Variants in FGF13 observed in about 807,000 individuals in gnomAD.
The protein encoded by FGF13 is fibroblast growth factor 13, also known as fibroblast growth factor homologous factor 2.
In FGF13, 2 loss-of-function variants were observed where a neutral mutation model predicts 19.5. The ratio of observed to expected loss-of-function variants is 0.10; its 90% CI spans 0.04 to 0.32. The LOEUF (loss-of-function observed/expected upper bound fraction) is 0.32. Among genes scored for constraint, FGF13 ranks in the 10% least tolerant of loss-of-function variants. The probability of loss-of-function intolerance (pLI) is 1.00; values close to 1 mark genes in which losing one functional copy is unlikely to be tolerated. For missense variants in FGF13, 113 were observed against 192.7 expected (o/e 0.59, Z 2.45); for synonymous variants, 72 against 76.9 (o/e 0.94, Z 0.33).
rs1310576332 is a variant in FGF13, at chrX:138,619,988, A to C, written c.*12862T>G. ...TAGGTATATACCCAAAGGAATATAA[A>C]TCATTCTATTACAAAGATACATGCA... On this transcript the variant is annotated 3_prime_UTR_variant, in exon 5 of 5. Coordinates refer to ENST00000315930, the MANE Select transcript of FGF13 (RefSeq NM_004114.5). 8.9e-6 allele frequency: 1 copy of C among 112,064 alleles called. No homozygotes were observed. Among genetic ancestry groups the C allele is most frequent in the African/African-American group, 3.2e-5 (1 of 30,810 alleles). The allele number at this position is 112,064 out of a possible 1,213,427, so 9.2% of individuals were successfully genotyped here. A position where few individuals can be genotyped will look rare whatever the true frequency, so the allele number is the denominator to read the frequency against.
intron 3 of FGF13, among the ~76,000 whole-genome samples, chrX:138,687,712 C>A (rs1158955218): frequency 8.9e-6 from 1 of 111,904 alleles, no homozygotes; most frequent in Non-Finnish European, 1.9e-5. Flanking sequence ...ATGTTTACTG[C>A]AGCACTATTC....
At chrX:139,086,579 T>A (rs1479946611) in intron 1 of FGF13, among the ~76,000 whole-genome samples, 2 of 112,054 alleles carry the variant, frequency 1.8e-5, no homozygotes, top group Admixed American at 1.9e-4. Context: ...AAATAATAAA[T>A]GCTTGAGATG....
intron 3 of FGF13, among the ~76,000 whole-genome samples, chrX:138,785,016 C>T (rs779053334): frequency 3.4e-4 from 38 of 112,215 alleles, no homozygotes; most frequent in African/African-American, 7.8e-4. Context: ...TACTACACTT[C>T]CCTTTAATGT....
intron 1 of FGF13, among the ~76,000 whole-genome samples, chrX:139,084,379 T>C (rs949591311): frequency 8.9e-6 from 1 of 111,919 alleles, no homozygotes; most frequent in African/African-American, 3.3e-5. Flanking sequence ...TTTGGGCACC[T>C]TGGACAAGTC....
At chrX:138,818,544 A>T (rs1183948727) in intron 3 of FGF13, among the ~76,000 whole-genome samples, 1 of 97,223 alleles carries the variant, frequency 1.0e-5, no homozygotes, top group African/African-American at 3.8e-5. Flanking sequence ...ACACACACAC[A>T]CTCATATGCT....
rs1556361881 is a variant in FGF13, at chrX:139,100,055, C to CACACACACAT, written c.-113+103360_-113+103361insATGTGTGTGT. Reference sequence around the variant, plus strand: ...TGGGGAAAGCAAACACACACACACACACACACACACACACACACACACACA... The same window carrying CACACACACAT: ...TGGGGAAAGCAAACACACACACACACACACACACATACACACACACACACACACACACACA... On this transcript the variant is annotated intron_variant, in intron 1 of 2. Coordinates refer to the FGF13 transcript ENST00000421460. 3.1e-3 allele frequency among the ~76,000 whole-genome samples: 321 copies of CACACACACAT among 103,725 alleles called. 2 individuals are homozygous for CACACACACAT. Among genetic ancestry groups the CACACACACAT allele is most frequent in the African/African-American group, 0.011 (304 of 26,785 alleles). 90.1% of individuals were successfully genotyped at this position (103,725 alleles called of 115,157 possible).
intron 3 of FGF13, among the ~76,000 whole-genome samples, chrX:138,793,592 G>A (rs1345147985): frequency 2.7e-5 from 3 of 111,865 alleles, no homozygotes; most frequent in Non-Finnish European, 5.6e-5. Context: ...TTCTAACAGA[G>A]GAGGAATTAA....
intron 3 of FGF13, among the ~76,000 whole-genome samples, chrX:138,805,523 G>A (rs1453744641): frequency 1.8e-5 from 2 of 111,325 alleles, no homozygotes; most frequent in Admixed American, 1.9e-4. Flanking sequence ...AGTCAAGGGT[G>A]AGAGTGGGGG....
intron 3 of FGF13, among the ~76,000 whole-genome samples, chrX:138,691,720 C>T (rs1021327993): frequency 1.8e-5 from 2 of 111,743 alleles, no homozygotes; most frequent in African/African-American, 3.3e-5. Context: ...TTCCTATACA[C>T]ATCTGAGGCC....
At position 139,018,130 on chromosome X, in the gene FGF13, G is replaced by A. The variant is rs192534133; in HGVS notation, c.-112-153480C>T. Among the ~76,000 whole-genome samples the A allele has an allele frequency of 4.1e-3, 454 of 111,667 alleles. 3 individuals are homozygous for A. The highest frequency in any genetic ancestry group is 0.014 in the African/African-American group (434 of 30,747). On this transcript the variant is annotated intron_variant, in intron 1 of 2. Coordinates refer to the FGF13 transcript ENST00000421460. ...AGGTGAAAGGCAAGAATGGTTTGTT[G>A]TGAAGACTGATGCATGGAACCTCTT...
chrX:138,833,765 G>T (rs773484790), intron 3 of FGF13, among the ~76,000 whole-genome samples: 1 of 111,736 alleles, frequency 8.9e-6, no homozygotes, highest in South Asian at 3.8e-4. Context: ...TTTAGCTTTT[G>T]CCCATTCAGT....
intron 1 of FGF13, among the ~76,000 whole-genome samples, chrX:138,879,991 AC>A (rs1300966887): frequency 8.9e-6 from 1 of 112,360 alleles, no homozygotes; most frequent in Non-Finnish European, 1.9e-5. Flanking sequence ...CAAGAAAAAA[AC>A]AAACAACCCC....
intron 3 of FGF13, among the ~76,000 whole-genome samples, chrX:138,642,054 C>T (rs565171693): frequency 1.8e-5 from 2 of 110,493 alleles, no homozygotes; most frequent in African/African-American, 6.6e-5. Flanking sequence ...GAATAGAGGA[C>T]TATTTTAAAG....
intron 1 of FGF13, among the ~76,000 whole-genome samples, chrX:138,878,778 G>C (rs1003832328): frequency 5.0e-4 from 56 of 111,551 alleles, no homozygotes; most frequent in Non-Finnish European, 8.1e-4. Context: ...CAGTGTAAAA[G>C]TGTTCCTATT....
intron 3 of FGF13, among the ~76,000 whole-genome samples, chrX:138,811,500 C>T (rs1040098352): frequency 9.1e-6 from 1 of 110,097 alleles, no homozygotes; most frequent in East Asian, 2.9e-4. Context: ...ATGTAAATGA[C>T]GAGTTAATGG....
chrX:139,118,870 T>TA (rs1019698802), intron 1 of FGF13, among the ~76,000 whole-genome samples: 1 of 109,580 alleles, frequency 9.1e-6, no homozygotes, highest in Non-Finnish European at 1.9e-5. Context: ...AAAATAAAAA[T>TA]AAAAAAATAG....
intron 1 of FGF13, among the ~76,000 whole-genome samples, chrX:138,865,475 T>TCTCCTCTCTCTCTCTC: frequency 1.3e-5 from 1 of 75,888 alleles, no homozygotes; most frequent in Non-Finnish European, 2.4e-5. Context: ...CTCTCTCTCC[T>TCTCCTCTCTCTCTCTC]CTCTCTCTCT....
intron 1 of FGF13, among the ~76,000 whole-genome samples, chrX:138,894,589 C>T (rs1209194968): frequency 9.0e-6 from 1 of 111,189 alleles, no homozygotes; most frequent in Non-Finnish European, 1.9e-5. Context: ...GACACATACA[C>T]CATCCCAAGA....
intron 1 of FGF13, among the ~76,000 whole-genome samples, chrX:139,049,580 C>G: frequency 1.8e-5 from 2 of 112,299 alleles, no homozygotes; most frequent in Non-Finnish European, 3.8e-5. Context: ...GGGTTAGGTA[C>G]CTCTGCTTTT....
Sources: allele counts gnomAD v4.1 joint callset (sites outside exome capture counted in the v4.1 genomes callset), GRCh38; gene constraint gnomAD v4.1.1; transcripts MANE v1.5; gene names NCBI Gene and HGNC (gene_info 2026-07-23, HGNC 2026-07-21).